CCSER2: variants seen among roughly 807,000 people sequenced by gnomAD.
CCSER2 encodes coiled-coil serine rich protein 2.
In CCSER2, 46 loss-of-function variants were observed where a neutral mutation model predicts 92.3. The ratio of observed to expected loss-of-function variants is 0.50; its 90% confidence interval spans 0.39 to 0.64. The LOEUF is 0.64. Ranked by LOEUF, CCSER2 falls within the 30% of genes least tolerant of loss-of-function variation. CCSER2 has a pLI of 0.00. For missense variants in CCSER2, 1,244 were observed against 1,238.9 expected (o/e 1.00, Z -0.06); for synonymous variants, 433 against 431.4 (o/e 1.00, Z -0.04).
At position 84,377,749 on chromosome 10, in the gene CCSER2, T is replaced by C. The variant is rs777998709; in HGVS notation, c.1614+3934T>C. On this transcript the variant is annotated intron_variant, in intron 3 of 9. Transcript: ENST00000372088. Reference sequence around the variant, plus strand: ...AATTGACATATTTATGATGGAGATATAGTCCTCCATTAATTTCAGACTTTA... The same window carrying C: ...AATTGACATATTTATGATGGAGATACAGTCCTCCATTAATTTCAGACTTTA... Among the ~76,000 whole-genome samples, 7 of 152,340 alleles carry C rather than the reference T, an allele frequency of 4.6e-5. No homozygotes were observed. In the East Asian group the frequency reaches 9.6e-4, roughly 21 times the overall value.
intron 5 of CCSER2, among the ~76,000 whole-genome samples, chr10:84,435,677 AT>A (rs1170587353): frequency 6.6e-6 from 1 of 151,800 alleles, no homozygotes; most frequent in African/African-American, 2.4e-5. Context: ...AAAAAAATAA[AT>A]AACCAAAAAA....
At chr10:84,346,121 G>A (rs1417989770) in intron 1 of CCSER2, among the ~76,000 whole-genome samples, 8 of 152,192 alleles carry the variant, frequency 5.3e-5, no homozygotes, top group African/African-American at 1.9e-4. Flanking sequence ...CTAGAGTGCA[G>A]TGGCGCAATC....
In CCSER2 at chr10:84,372,464, T is replaced by G; in HGVS notation, c.1412T>G (p.Val471Gly). The change falls in exon 2 of 10, where the codon GTC becomes GGC. Residue 471 changes from valine to glycine, a missense_variant. By Grantham distance (109) the Val-to-Gly change is moderately radical. Coordinates refer to ENST00000372088, the MANE Select transcript of CCSER2 (RefSeq NM_001284240.2). ...SKTDEWIDIS[V>G]SDRSECTKHT... is the part of the protein sequence containing the mutation. ...ACTGATGAATGGATAGATATAAGTG[T>G]CTCTGGTAAATATTACTTACCTTAA... 2 of 1,535,030 alleles carry G rather than the reference T, an allele frequency of 1.3e-6. No homozygotes were observed. Among genetic ancestry groups the G allele is most frequent in the Non-Finnish European group, 1.8e-6 (2 of 1,142,004 alleles).
chr10:84,378,708 T>TC (rs1846476113), intron 3 of CCSER2, among the ~76,000 whole-genome samples: 1 of 152,184 alleles, frequency 6.6e-6, no homozygotes, highest in Non-Finnish European at 1.5e-5. Context: ...ATAGTGGGAT[T>TC]ACAGGCATGT....
chr10:84,507,573 A>T (rs747000755), intron 9 of CCSER2, among the ~76,000 whole-genome samples: 1 of 152,176 alleles, frequency 6.6e-6, no homozygotes, highest in South Asian at 2.1e-4. Context: ...GCATTATTAC[A>T]CTTTAGAACA....
intron 6 of CCSER2, among the ~76,000 whole-genome samples, chr10:84,443,474 A>T (rs1038665318): frequency 6.6e-6 from 1 of 152,228 alleles, no homozygotes; most frequent in Non-Finnish European, 1.5e-5. Context: ...AATGGCGATC[A>T]TTAAAAGTCA....
chr10:84,358,303 T>C (rs1216780974), intron 1 of CCSER2, among the ~76,000 whole-genome samples: 1 of 152,172 alleles, frequency 6.6e-6, no homozygotes, highest in Non-Finnish European at 1.5e-5. Context: ...CATTTTCAGA[T>C]AGTAGTATAT....
At chr10:84,435,382 C>A (rs967128944) in intron 5 of CCSER2, among the ~76,000 whole-genome samples, 1 of 152,106 alleles carries the variant, frequency 6.6e-6, no homozygotes, top group African/African-American at 2.4e-5. Flanking sequence ...ACATTTATGT[C>A]AATATATGTC....
chr10:84,514,335 C>T lies in CCSER2; in HGVS notation c.*68C>T. 9.2e-7 allele frequency: 1 copy of T among 1,085,552 alleles called. No individual in the cohort carries two copies. Among genetic ancestry groups the T allele is most frequent in the Non-Finnish European group, 1.3e-6 (1 of 769,628 alleles). 67.2% of individuals were successfully genotyped at this position (1,085,552 alleles called of 1,614,324 possible). A position where few individuals can be genotyped will look rare whatever the true frequency, so the allele number is the denominator to read the frequency against. ...TCTTCTGTAATAGCTTTATGTGCAG[C>T]TTGCAGCTTGCTACTGTGGTGGAGG... On this transcript the variant is annotated 3_prime_UTR_variant, in exon 10 of 10. Transcript: ENST00000372088.
At chr10:84,408,818 T>TGTTTCACACATACTC (rs1842501226) in intron 3 of CCSER2, among the ~76,000 whole-genome samples, 1 of 152,138 alleles carries the variant, frequency 6.6e-6, no homozygotes, top group Non-Finnish European at 1.5e-5. Flanking sequence ...AACACTGTCT[T>TGTTTCACACATACTC]GTTTCACACA....
Position 84,515,293 on chromosome 10 carries a change from T to C in CCSER2, c.*1026T>C, listed in dbSNP as rs1415015808. 1.3e-5 allele frequency: 2 copies of C among 152,626 alleles called. No individual in the cohort carries two copies. The highest frequency in any genetic ancestry group is 4.8e-5 in the African/African-American group (2 of 41,438). The allele number at this position is 152,626 out of a possible 1,614,324, so 9.5% of individuals were successfully genotyped here. A position where few individuals can be genotyped will look rare whatever the true frequency, so the allele number is the denominator to read the frequency against. On this transcript the variant is annotated 3_prime_UTR_variant, in exon 10 of 10. Coordinates refer to ENST00000372088, the MANE Select transcript of CCSER2 (RefSeq NM_001284240.2). The stretch of plus-strand genomic sequence containing the variant: ...ATAAATATACCATATATAGGGATTG[T>C]AAACTATTTTCTATAGCAAAACAAG...
intron 3 of CCSER2, among the ~76,000 whole-genome samples, chr10:84,401,061 C>T (rs1193857271): frequency 2.6e-5 from 4 of 152,042 alleles, no homozygotes; most frequent in African/African-American, 4.8e-5. Context: ...GTAACTAAAG[C>T]AGTGCTTAGA....
chr10:84,447,129 T>G (rs1844971956), intron 6 of CCSER2, among the ~76,000 whole-genome samples: 1 of 152,156 alleles, frequency 6.6e-6, no homozygotes, highest in South Asian at 2.1e-4. Flanking sequence ...AATTGGAATT[T>G]CTGAGTCCTG....
intron 8 of CCSER2, among the ~76,000 whole-genome samples, chr10:84,474,873 G>T (rs916767114): frequency 5.3e-5 from 8 of 152,062 alleles, no homozygotes; most frequent in African/African-American, 1.9e-4. Flanking sequence ...AACTAAAAGT[G>T]ATTTTAAAAA....
chr10:84,424,330 A>G (rs1030685344), intron 4 of CCSER2, among the ~76,000 whole-genome samples: 7 of 152,034 alleles, frequency 4.6e-5, no homozygotes, highest in Non-Finnish European at 8.8e-5. Context: ...CAACAAATTG[A>G]AATAAGTTCA....
At chr10:84,500,486 CAACT>C (rs1172669717) in intron 9 of CCSER2, among the ~76,000 whole-genome samples, 2 of 152,130 alleles carry the variant, frequency 1.3e-5, no homozygotes, top group African/African-American at 4.8e-5. Flanking sequence ...TGGTTTAAAA[CAACT>C]AAGATGTTTT....
chr10:84,485,407 C>G (rs1211728552), intron 9 of CCSER2, among the ~76,000 whole-genome samples: 1 of 152,174 alleles, frequency 6.6e-6, no homozygotes, highest in Non-Finnish European at 1.5e-5. Flanking sequence ...CTCTGGTAAC[C>G]ACTAAAACTG....
At chr10:84,374,497 C>T (rs1299266835) in intron 3 of CCSER2, among the ~76,000 whole-genome samples, 1 of 152,056 alleles carries the variant, frequency 6.6e-6, no homozygotes, top group Admixed American at 6.6e-5. Context: ...GGGTCTCACA[C>T]ATATAATTAC....
intron 3 of CCSER2, among the ~76,000 whole-genome samples, chr10:84,380,732 C>T (rs1238161564): frequency 4.1e-5 from 6 of 145,718 alleles, no homozygotes; most frequent in African/African-American, 1.0e-4. Context: ...GTAGCTGTGT[C>T]GCCCAGGCTG....
Sources: gnomAD v4.1 joint callset for allele counts (sites outside exome capture counted in the v4.1 genomes callset) on GRCh38, gnomAD v4.1.1 for gene constraint, MANE v1.5 for transcripts, NCBI Gene and HGNC (gene_info 2026-07-23, HGNC 2026-07-21) for gene names.